DIAPH3: variants seen among roughly 807,000 people sequenced by gnomAD.
DIAPH3 encodes the protein diaphanous related formin 3.
A neutral mutation model predicts 144.3 loss-of-function variants in DIAPH3; 117 were observed. The ratio of observed to expected loss-of-function variants is 0.81; its 90% CI spans 0.70 to 0.95. DIAPH3 has a LOEUF of 0.95. Ranked by LOEUF, DIAPH3 falls within the 40% of genes least tolerant of loss-of-function variation. DIAPH3 has a pLI of 0.00. For synonymous variants in DIAPH3, 519 were observed against 488.9 expected (o/e 1.06, Z -0.81); for missense variants, 1,421 against 1,412.7 (o/e 1.01, Z -0.09).
intron 4 of DIAPH3, among the ~76,000 whole-genome samples, chr13:60,043,647 G>C (rs1252480571): frequency 2.6e-5 from 4 of 152,142 alleles, no homozygotes; most frequent in African/African-American, 9.7e-5. Context: ...AATTAGAAGA[G>C]TTAGAGTTCA....
intron 4 of DIAPH3, among the ~76,000 whole-genome samples, chr13:60,055,467 T>C (rs1324922896): frequency 1.3e-5 from 2 of 151,950 alleles, no homozygotes; most frequent in Non-Finnish European, 2.9e-5. Flanking sequence ...CACTTCTACC[T>C]GCTTACCATG....
At chr13:60,130,126 C>T (rs1396292883) in intron 2 of DIAPH3, among the ~76,000 whole-genome samples, 1 of 152,184 alleles carries the variant, frequency 6.6e-6, no homozygotes, top group Non-Finnish European at 1.5e-5. Context: ...AGGTAAAATT[C>T]TGTCTTTCAC....
intron 24 of DIAPH3, among the ~76,000 whole-genome samples, chr13:59,827,258 A>G (rs868042060): frequency 1.3e-4 from 20 of 151,510 alleles, no homozygotes; most frequent in East Asian, 1.2e-3. Flanking sequence ...CTACAAAATG[A>G]GAGAAAATTT....
At chr13:59,930,740 T>C (rs980885504) in intron 17 of DIAPH3, among the ~76,000 whole-genome samples, 1 of 152,132 alleles carries the variant, frequency 6.6e-6, no homozygotes, top group Non-Finnish European at 1.5e-5. Context: ...AACTATATTT[T>C]AGGAAAAACT....
chr13:60,113,972 T>C (rs952779231), intron 2 of DIAPH3, among the ~76,000 whole-genome samples: 10 of 152,102 alleles, frequency 6.6e-5, no homozygotes, highest in Non-Finnish European at 1.5e-4. Flanking sequence ...GTATGAATAC[T>C]CCGTGAGGCA....
At position 60,010,561 on chromosome 13, in the gene DIAPH3, CAG is replaced by C. The variant is rs1224791325; in HGVS notation, c.878_879del (p.Ser293CysfsTer12). On this transcript the variant is annotated frameshift_variant, in exon 8 of 28. Transcript: ENST00000400324. LOFTEE classifies it high-confidence loss of function. ...CTTTCTTCCCCTACAATGCATACCG[CAG>C]AGAGAAGTTTAACCACATCTGTCAT... ...NMMTDVVKLL[S>X]AVCIVGEESI... 1.9e-6 allele frequency: 3 copies of C among 1,609,622 alleles called. No individual in the cohort carries two copies. The highest frequency in any genetic ancestry group is 2.5e-6 in the Non-Finnish European group (3 of 1,177,326).
chr13:60,052,654 C>T (rs1417780110), intron 4 of DIAPH3, among the ~76,000 whole-genome samples: 1 of 152,058 alleles, frequency 6.6e-6, no homozygotes, highest in Non-Finnish European at 1.5e-5. Flanking sequence ...AAGTGAATGG[C>T]TTTCAGTGAA....
chr13:59,757,467 C>T (rs2037343196), intron 27 of DIAPH3, among the ~76,000 whole-genome samples: 1 of 128,244 alleles, frequency 7.8e-6, no homozygotes, highest in Non-Finnish European at 1.6e-5. Context: ...ATGGCGCAAT[C>T]TCGGCTCACT....
At chr13:59,688,184 G>A (rs1458094205) in intron 27 of DIAPH3, among the ~76,000 whole-genome samples, 11 of 151,980 alleles carry the variant, frequency 7.2e-5, no homozygotes, top group Non-Finnish European at 1.6e-4. Flanking sequence ...CATAAGGGAT[G>A]GCTCTATTGT....
Position 60,069,201 on chromosome 13 carries a change from A to T in DIAPH3, c.495+24427T>A, listed in dbSNP as rs558741603. ...TCCGACTGGTGTGAGATGGTATCTC[A>T]TTGTGGTTTAGCTTTGTATTTCTCT... On this transcript the variant is annotated intron_variant, in intron 4 of 27. Coordinates refer to ENST00000400324, the MANE Select transcript of DIAPH3 (RefSeq NM_001042517.2). 2.5e-4 allele frequency among the ~76,000 whole-genome samples: 38 copies of T among 152,152 alleles called. 1 individual carries two copies. The highest frequency in any genetic ancestry group is 3.4e-3 in the Middle Eastern group (1 of 294).
At chr13:59,736,079 A>G (rs1566239926) in intron 27 of DIAPH3, among the ~76,000 whole-genome samples, 1 of 152,194 alleles carries the variant, frequency 6.6e-6, no homozygotes, top group Non-Finnish European at 1.5e-5. Context: ...GCTAAGGATA[A>G]TGGCATCAAG....
At chr13:60,016,191 TTG>T (rs779928792) in intron 5 of DIAPH3, 46 bp from the exon 6 acceptor site, 1 of 1,546,352 alleles carries the variant, frequency 6.5e-7, no homozygotes, top group Non-Finnish European at 8.9e-7. Context: ...GTAACGCAGC[TTG>T]TGTTATCATA....
intron 4 of DIAPH3, among the ~76,000 whole-genome samples, chr13:60,058,998 T>A (rs1376310125): frequency 6.6e-6 from 1 of 151,868 alleles, no homozygotes; most frequent in African/African-American, 2.4e-5. Context: ...AAAAACCACT[T>A]GTACCCCTAA....
At chr13:60,142,374 G>A (rs1314055102) in intron 1 of DIAPH3, among the ~76,000 whole-genome samples, 1 of 152,048 alleles carries the variant, frequency 6.6e-6, no homozygotes, top group East Asian at 1.9e-4. Flanking sequence ...GCCAATAAAG[G>A]CAATTTTTGG....
intron 18 of DIAPH3, among the ~76,000 whole-genome samples, chr13:59,918,007 G>T (rs1446408528): frequency 6.6e-6 from 1 of 150,750 alleles, no homozygotes; most frequent in Non-Finnish European, 1.5e-5. Context: ...TGGTGAAGTA[G>T]GGCTCTCCAG....
chr13:59,782,604 T>G (rs7997280), intron 25 of DIAPH3, among the ~76,000 whole-genome samples: 112,428 of 152,030 alleles, frequency 0.74, 41,942 homozygotes, highest in East Asian at 0.88. Context: ...GGAAGAGAAT[T>G]TGAAGGAAGA....
intron 22 of DIAPH3, among the ~76,000 whole-genome samples, chr13:59,849,794 G>A (rs867719966): frequency 2.1e-4 from 20 of 96,256 alleles, no homozygotes; most frequent in African/African-American, 6.6e-4. Context: ...TTGACTTGGC[G>A]ATGCGGGCTC....
chr13:59,911,782 T>C lies in DIAPH3; in HGVS notation c.2320A>G (p.Lys774Glu). 1 of 1,613,660 alleles carries C rather than the reference T, an allele frequency of 6.2e-7. No homozygotes were observed. Among genetic ancestry groups the C allele is most frequent in the East Asian group, 2.2e-5 (1 of 44,762 alleles). Residue 774 changes from lysine to glutamate, a missense_variant, in exon 20 of 28, where the codon AAG (lysine) becomes GAG (glutamate). Coordinates refer to ENST00000400324, the MANE Select transcript of DIAPH3 (RefSeq NM_001042517.2). ...TCACATAAGTTGCTATATTCACTCT[T>C]GAACTGAGACAATGAATTTAATTGC... ...QEQLNSLSQF[K>E]SEYSNLCEPE...
chr13:59,989,143 G>T (rs187241268), intron 12 of DIAPH3, among the ~76,000 whole-genome samples: 1 of 151,676 alleles, frequency 6.6e-6, no homozygotes, highest in Non-Finnish European at 1.5e-5. Context: ...AATGTTACAG[G>T]TTATCTAAGA....
Sources: gnomAD v4.1 joint callset for allele counts (sites outside exome capture counted in the v4.1 genomes callset) on GRCh38, gnomAD v4.1.1 for gene constraint, MANE v1.5 for transcripts, NCBI Gene and HGNC (gene_info 2026-07-23, HGNC 2026-07-21) for gene names.